GPC5: variants seen among roughly 807,000 people sequenced by gnomAD.
GPC5 encodes the protein glypican 5.
In GPC5, 47 loss-of-function variants were observed where a neutral mutation model predicts 53.9. The ratio of observed to expected loss-of-function variants is 0.87; its 90% CI spans 0.69 to 1.11. GPC5 has a LOEUF of 1.11. Among genes scored for constraint, GPC5 ranks in the 50% most tolerant of loss-of-function variants. GPC5 has a pLI of 0.00. For missense variants in GPC5, 748 were observed against 713.1 expected, an observed-to-expected ratio of 1.05 and a Z score of -0.56; for synonymous variants, 286 against 263.3, an observed-to-expected ratio of 1.09 and a Z score of -0.84.
rs1404626638 is a variant in GPC5, at chr13:91,948,689, A to G, written c.1401+40632A>G. Among the ~76,000 whole-genome samples the G allele has an allele frequency of 2.0e-5, 3 of 152,226 alleles. No individual in the cohort carries two copies. The East Asian group carries it at 5.8e-4, about 29-fold the overall frequency. ...ATAATACAACCATTTATTCAACTTTATAATTTCTCTCTGATGGCTAGATTT... is the reference window on the plus strand; with the variant it reads ...ATAATACAACCATTTATTCAACTTTGTAATTTCTCTCTGATGGCTAGATTT... On this transcript the variant is annotated intron_variant, in intron 6 of 7. Coordinates refer to ENST00000377067, the MANE Select transcript of GPC5 (RefSeq NM_004466.6).
chr13:92,447,533 A>G (rs1024695243), intron 7 of GPC5: 1 of 152,062 alleles, frequency 6.6e-6, no homozygotes, highest in South Asian at 2.1e-4. Flanking sequence ...AAATAGCTTC[A>G]TCATCAGGAA....
intron 2 of GPC5, among the ~76,000 whole-genome samples, chr13:91,663,329 T>G (rs763661896): frequency 4.6e-5 from 7 of 152,234 alleles, no homozygotes; most frequent in Non-Finnish European, 7.3e-5. Context: ...ATTTCCTCAC[T>G]CCGTGTACAT....
At chr13:92,202,089 C>A (rs2042299203) in intron 7 of GPC5, among the ~76,000 whole-genome samples, 1 of 152,118 alleles carries the variant, frequency 6.6e-6, no homozygotes, top group Admixed American at 6.5e-5. Flanking sequence ...AGAAGTCAGT[C>A]TCAAACATTA....
chr13:92,255,805 C>G (rs2042722487), intron 7 of GPC5, among the ~76,000 whole-genome samples: 1 of 151,986 alleles, frequency 6.6e-6, no homozygotes, highest in South Asian at 2.1e-4. Flanking sequence ...CATTATTTTC[C>G]TTATCCATTT....
intron 5 of GPC5, among the ~76,000 whole-genome samples, chr13:91,781,777 A>C (rs1301647319): frequency 6.6e-6 from 1 of 152,220 alleles, no homozygotes; most frequent in African/African-American, 2.4e-5. Context: ...ACCTATTTCC[A>C]AAGCTTGTGA....
intron 6 of GPC5, among the ~76,000 whole-genome samples, chr13:91,946,618 C>A (rs1594680088): frequency 6.6e-6 from 1 of 152,070 alleles, no homozygotes; most frequent in Non-Finnish European, 1.5e-5. Flanking sequence ...TCCCTAACAC[C>A]TCAGATTGCA....
chr13:92,474,781 T>C (rs973777826), intron 7 of GPC5, among the ~76,000 whole-genome samples: 2 of 152,098 alleles, frequency 1.3e-5, no homozygotes, highest in East Asian at 1.9e-4. Flanking sequence ...GGATTCTCTA[T>C]TGGAATTGTA....
At chr13:92,036,589 A>G (rs142138576) in intron 6 of GPC5, among the ~76,000 whole-genome samples, 1 of 152,174 alleles carries the variant, frequency 6.6e-6, no homozygotes, top group African/African-American at 2.4e-5. Flanking sequence ...TTTGCTTCAA[A>G]CTTTATTTTG....
chr13:91,536,400 G>C (rs1349981017), intron 2 of GPC5, among the ~76,000 whole-genome samples: 3 of 152,066 alleles, frequency 2.0e-5, no homozygotes, highest in African/African-American at 7.3e-5. Flanking sequence ...CTACATTCCT[G>C]GCAATGAAGA....
At chr13:92,240,835 A>C (rs2042606818) in intron 7 of GPC5, 1 of 152,130 alleles carries the variant, frequency 6.6e-6, no homozygotes. Context: ...ACTTTCAAAA[A>C]GTGAACTAGA....
At chr13:92,721,775 A>T (rs989689040) in intron 7 of GPC5, among the ~76,000 whole-genome samples, 1 of 151,998 alleles carries the variant, frequency 6.6e-6, no homozygotes, top group Non-Finnish European at 1.5e-5. Context: ...ACATGCCATT[A>T]AGTCACTGTG....
Position 92,327,122 on chromosome 13 carries a change from G to A in GPC5, c.1561+182133G>A, listed in dbSNP as rs114545113. Among the ~76,000 whole-genome samples, 852 of 152,202 alleles carry A rather than the reference G, an allele frequency of 5.6e-3. 8 individuals carry two copies. The highest frequency in any genetic ancestry group is 0.02 in the African/African-American group (816 of 41,542). On this transcript the variant is annotated intron_variant, in intron 7 of 7. Transcript: ENST00000377067. ...GGTCTCTTTACAAAATCTTGTTAATGATATTTCACTTCAGGGACCAAGACC... is the reference window on the plus strand; with the variant it reads ...GGTCTCTTTACAAAATCTTGTTAATAATATTTCACTTCAGGGACCAAGACC...
At chr13:91,981,330 C>T (rs2040355929) in intron 6 of GPC5, among the ~76,000 whole-genome samples, 1 of 151,740 alleles carries the variant, frequency 6.6e-6, no homozygotes, top group Admixed American at 6.6e-5. Flanking sequence ...CGCTCTGTCG[C>T]CCAGGCTGGA....
intron 7 of GPC5, among the ~76,000 whole-genome samples, chr13:92,588,070 C>A (rs1438612908): frequency 6.6e-6 from 1 of 152,040 alleles, no homozygotes; most frequent in Non-Finnish European, 1.5e-5. Context: ...TGCTCTCCCT[C>A]CCCTTTCCCT....
At chr13:92,153,554 T>C (rs1223590364) in intron 7 of GPC5, among the ~76,000 whole-genome samples, 1 of 152,234 alleles carries the variant, frequency 6.6e-6, no homozygotes, top group Non-Finnish European at 1.5e-5. Flanking sequence ...TGGTACGATA[T>C]GAACAATGTT....
intron 2 of GPC5, among the ~76,000 whole-genome samples, chr13:91,524,731 C>T (rs1886005927): frequency 6.6e-6 from 1 of 152,138 alleles, no homozygotes; most frequent in Non-Finnish European, 1.5e-5. Context: ...AGCTGAGGGC[C>T]ACTCTCAGGT....
intron 7 of GPC5, among the ~76,000 whole-genome samples, chr13:92,790,089 T>C (rs1305039839): frequency 2.0e-5 from 3 of 152,154 alleles, no homozygotes; most frequent in African/African-American, 7.2e-5. Context: ...TTCTCTTGCC[T>C]GCTTTATTCT....
At chr13:92,429,815 C>T (rs983605046) in intron 7 of GPC5, among the ~76,000 whole-genome samples, 1 of 152,016 alleles carries the variant, frequency 6.6e-6, no homozygotes, top group Admixed American at 6.6e-5. Context: ...TTAAGAATTA[C>T]TGGGAGCGTA....
intron 7 of GPC5, among the ~76,000 whole-genome samples, chr13:92,844,488 A>G (rs541866299): frequency 5.9e-5 from 9 of 152,068 alleles, no homozygotes; most frequent in Admixed American, 3.9e-4. Context: ...AATAAAATAG[A>G]TTTCCTTAAT....
Sources: allele counts gnomAD v4.1 joint callset (sites outside exome capture counted in the v4.1 genomes callset), GRCh38; gene constraint gnomAD v4.1.1; transcripts MANE v1.5; gene names NCBI Gene and HGNC (gene_info 2026-07-23, HGNC 2026-07-21).